The following SLC9A2 variants were observed in gnomAD, a reference collection of about 807,000 sequenced individuals.
SLC9A2 encodes the protein sodium/hydrogen exchanger 2.
Under a neutral mutation model 71.7 loss-of-function variants are expected in SLC9A2, and 42 were observed. That is an observed-to-expected ratio of 0.59 (90% CI 0.46 to 0.76). The LOEUF (loss-of-function observed/expected upper bound fraction) is 0.76, where lower values mean the gene tolerates loss of function less well. Ranked by LOEUF, SLC9A2 falls within the 30% of genes least tolerant of loss-of-function variation. The probability of loss-of-function intolerance (pLI) is 0.00; values close to 1 mark genes in which losing one functional copy is unlikely to be tolerated. For missense variants in SLC9A2, 829 were observed against 1,017.4 expected (o/e 0.81, Z 2.52); for synonymous variants, 396 against 392.5 (o/e 1.01, Z -0.10).
intron 7 of SLC9A2, among the ~76,000 whole-genome samples, chr2:102,695,716 T>TCAGA (rs1482746583): frequency 6.8e-6 from 1 of 146,250 alleles, no homozygotes; most frequent in Non-Finnish European, 1.5e-5. Flanking sequence ...ATGCAGAGAT[T>TCAGA]CAGACCATCT....
chr2:102,686,357 T>C (rs1202666586), intron 5 of SLC9A2: 1 of 152,194 alleles, frequency 6.6e-6, no homozygotes, highest in Non-Finnish European at 1.5e-5. Flanking sequence ...GAGCCTGGTG[T>C]GTAGCGAGTG....
chr2:102,630,181 T>G (rs1039314580), intron 1 of SLC9A2, among the ~76,000 whole-genome samples: 2 of 152,100 alleles, frequency 1.3e-5, no homozygotes, highest in East Asian at 3.8e-4. Flanking sequence ...TATTTTCCAG[T>G]TTTTCTTCAT....
intron 1 of SLC9A2, among the ~76,000 whole-genome samples, chr2:102,633,156 T>C (rs888725594): frequency 5.9e-5 from 9 of 152,200 alleles, no homozygotes; most frequent in African/African-American, 2.2e-4. Context: ...TTTACATTCA[T>C]TGTCTTATTT....
intron 3 of SLC9A2, among the ~76,000 whole-genome samples, chr2:102,670,613 A>C (rs1196801969): frequency 2.0e-5 from 3 of 151,150 alleles, no homozygotes; most frequent in South Asian, 4.2e-4. Flanking sequence ...AAAAAAAAAA[A>C]AAAAAAAAAC....
At chr2:102,638,787 G>A (rs1190257573) in intron 1 of SLC9A2, among the ~76,000 whole-genome samples, 2 of 152,218 alleles carry the variant, frequency 1.3e-5, no homozygotes, top group Non-Finnish European at 2.9e-5. Context: ...TTGAGGCCAG[G>A]AGTTTCAGAA....
In SLC9A2 at chr2:102,642,537, G is replaced by T. The variant is rs1415512582; in HGVS notation, c.290-15027G>T. Among the ~76,000 whole-genome samples, 3 of 151,982 alleles carry T rather than the reference G, an allele frequency of 2.0e-5. No individual in the cohort carries two copies. The East Asian group carries it at 5.8e-4, about 29-fold the overall frequency. On this transcript the variant is annotated intron_variant, in intron 1 of 11. Transcript: ENST00000233969. ...GGAATAAACTTCACTTGATCCTGGT[G>T]CACAATTCTTTTTATATATTGCTGA...
Position 102,711,288 on chromosome 2 carries a change from G to A in SLC9A2, c.*2799G>A, listed in dbSNP as rs1678106586. On this transcript the variant is annotated 3_prime_UTR_variant, in exon 12 of 12. Coordinates refer to ENST00000233969, the MANE Select transcript of SLC9A2 (RefSeq NM_003048.6). ...CACACTGTACTTTCTTCTTAAAAAC[G>A]TGATTAAAGAGATCACTTTGTCCGG... 1 of 152,272 alleles carries A rather than the reference G, an allele frequency of 6.6e-6. No individual in the cohort carries two copies. The highest frequency in any genetic ancestry group is 1.9e-4 in the East Asian group (1 of 5,326). The allele number at this position is 152,272 out of a possible 1,614,324, so 9.4% of individuals were successfully genotyped here. A position where few individuals can be genotyped will look rare whatever the true frequency, so the allele number is the denominator to read the frequency against.
intron 5 of SLC9A2, among the ~76,000 whole-genome samples, chr2:102,685,034 A>C (rs963432775): frequency 6.6e-6 from 1 of 152,230 alleles, no homozygotes; most frequent in African/African-American, 2.4e-5. Flanking sequence ...AATGTTATGC[A>C]ATAAGGATAG....
intron 2 of SLC9A2, among the ~76,000 whole-genome samples, chr2:102,658,469 A>G (rs1014772584): frequency 2.0e-5 from 3 of 151,886 alleles, no homozygotes; most frequent in African/African-American, 7.3e-5. Flanking sequence ...TATCCAATGT[A>G]TATAACACAG....
Position 102,665,027 on chromosome 2 carries a change from ATGTGTTTG to A in SLC9A2, c.754-70_754-63del, listed in dbSNP as rs1677107318. 6.8e-6 allele frequency: 10 copies of A among 1,477,474 alleles called. No individual in the cohort carries two copies. The East Asian group carries it at 2.3e-4, about 33-fold the overall frequency. The allele number at this position is 1,477,474 out of a possible 1,614,324, so 91.5% of individuals were successfully genotyped here. A position where few individuals can be genotyped will look rare whatever the true frequency, so the allele number is the denominator to read the frequency against. The stretch of plus-strand genomic sequence containing the variant: ...ATGTCCTTATTAGAAGTCCAGGTAG[ATGTGTTTG>A]TGCCCAGAGTGACAATGGGGAAATG... On this transcript the variant is annotated intron_variant, in intron 2 of 11. Transcript: ENST00000233969.
intron 5 of SLC9A2, among the ~76,000 whole-genome samples, chr2:102,690,968 CAAA>C (rs57709703): frequency 0.068 from 8,941 of 131,262 alleles, 357 homozygotes; most frequent in African/African-American, 0.12. Context: ...TCATTTTCTT[CAAA>C]AAAAAAAAAA....
intron 5 of SLC9A2, among the ~76,000 whole-genome samples, chr2:102,687,623 T>G (rs941000709): frequency 6.6e-6 from 1 of 152,212 alleles, no homozygotes; most frequent in African/African-American, 2.4e-5. Flanking sequence ...TATAACTATC[T>G]TCAAAAATAG....
At chr2:102,668,873 A>C (rs934751689) in intron 3 of SLC9A2, among the ~76,000 whole-genome samples, 2 of 152,166 alleles carry the variant, frequency 1.3e-5, no homozygotes, top group African/African-American at 4.8e-5. Flanking sequence ...AACCCTCTGC[A>C]TTAGCTTTGT....
chr2:102,679,670 G>A (rs1019624866), intron 3 of SLC9A2, among the ~76,000 whole-genome samples: 4 of 152,170 alleles, frequency 2.6e-5, no homozygotes, highest in Non-Finnish European at 4.4e-5. Context: ...GAGCCACTGC[G>A]CCCAGCCACC....
intron 2 of SLC9A2, among the ~76,000 whole-genome samples, chr2:102,664,487 G>T (rs1573415041): frequency 6.8e-6 from 1 of 147,602 alleles, no homozygotes; most frequent in East Asian, 2.0e-4. Flanking sequence ...ATACATATGA[G>T]TTTGCTGCCT....
intron 1 of SLC9A2, among the ~76,000 whole-genome samples, chr2:102,629,222 T>A (rs1404473267): frequency 1.3e-5 from 2 of 152,158 alleles, no homozygotes; most frequent in Non-Finnish European, 2.9e-5. Context: ...GCTATGTTAT[T>A]ACATACTCAT....
At chr2:102,670,312 G>A (rs1290011777) in intron 3 of SLC9A2, among the ~76,000 whole-genome samples, 15 of 151,840 alleles carry the variant, frequency 9.9e-5, no homozygotes, top group Admixed American at 3.3e-4. Flanking sequence ...CACCACGCCC[G>A]GCCGTGCCCA....
chr2:102,671,884 T>C (rs961767627), intron 3 of SLC9A2, among the ~76,000 whole-genome samples: 1 of 152,134 alleles, frequency 6.6e-6, no homozygotes, highest in African/African-American at 2.4e-5. Context: ...GGCAGGTGGA[T>C]AACTTGAGGT....
At chr2:102,627,896 A>C (rs1246297782) in intron 1 of SLC9A2, among the ~76,000 whole-genome samples, 1 of 152,162 alleles carries the variant, frequency 6.6e-6, no homozygotes, top group African/African-American at 2.4e-5. Flanking sequence ...TATTTTCAAT[A>C]GTTTCTCTGC....
Sources: allele counts gnomAD v4.1 joint callset (sites outside exome capture counted in the v4.1 genomes callset), GRCh38; gene constraint gnomAD v4.1.1; transcripts MANE v1.5; gene names NCBI Gene and HGNC (gene_info 2026-07-23, HGNC 2026-07-21).